The following STK38L variants were observed in gnomAD, a reference collection of about 807,000 sequenced individuals.
STK38L encodes serine/threonine kinase 38 like.
A neutral mutation model predicts 59.7 loss-of-function variants in STK38L; 28 were observed. The observed-to-expected ratio is 0.47, with a 90% CI of 0.35 to 0.64. STK38L has a LOEUF of 0.64. STK38L is among the 30% of genes least tolerant of loss of function. The pLI, the probability that STK38L is intolerant of heterozygous loss-of-function variation, is 0.01. For synonymous variants in STK38L, 162 were observed against 176.8 expected (o/e 0.92, Z 0.66); for missense variants, 314 against 555.8 (o/e 0.56, Z 4.37).
At chr12:27,321,678 T>C (rs1246924938) in intron 12 of STK38L, among the ~76,000 whole-genome samples, 1 of 152,210 alleles carries the variant, frequency 6.6e-6, no homozygotes, top group Non-Finnish European at 1.5e-5. Flanking sequence ...GTGGAGATGC[T>C]TAATGGATAC....
At chr12:27,316,414 A>G (rs888775405) in intron 9 of STK38L, among the ~76,000 whole-genome samples, 2 of 152,198 alleles carry the variant, frequency 1.3e-5, no homozygotes, top group Admixed American at 6.5e-5. Context: ...CCTATTTACA[A>G]AATATTCATG....
intron 1 of STK38L, among the ~76,000 whole-genome samples, chr12:27,292,788 A>G (rs982153647): frequency 6.6e-6 from 1 of 152,348 alleles, no homozygotes; most frequent in South Asian, 2.1e-4. Flanking sequence ...GTAATATTTC[A>G]TTACTTGACA....
chr12:27,252,124 T>C (rs1942987769), intron 1 of STK38L, among the ~76,000 whole-genome samples: 1 of 152,064 alleles, frequency 6.6e-6, no homozygotes, highest in Admixed American at 6.5e-5. Context: ...GGACTACAGG[T>C]GCCTGCCACC....
chr12:27,318,393 A>G (rs1334833766), intron 11 of STK38L, among the ~76,000 whole-genome samples: 1 of 152,230 alleles, frequency 6.6e-6, no homozygotes, highest in Non-Finnish European at 1.5e-5. Flanking sequence ...TCCTCAACTA[A>G]TATGAAGTGT....
intron 1 of STK38L, among the ~76,000 whole-genome samples, chr12:27,294,777 A>G (rs1422207864): frequency 1.3e-5 from 2 of 150,900 alleles, no homozygotes; most frequent in Admixed American, 6.6e-5. Flanking sequence ...CAGTGGTTCA[A>G]TCGCAGCTCA....
At chr12:27,322,284 A>G (rs1228960544) in intron 13 of STK38L, 44 bp from the exon 14 acceptor site, 2 of 1,613,242 alleles carry the variant, frequency 1.2e-6, no homozygotes, top group Admixed American at 3.3e-5. Context: ...TTTGAAGATG[A>G]TGGCATTTCA....
At chr12:27,305,148 C>T (rs1393555188) in intron 3 of STK38L, among the ~76,000 whole-genome samples, 3 of 152,178 alleles carry the variant, frequency 2.0e-5, no homozygotes, top group Non-Finnish European at 2.9e-5. Flanking sequence ...CCCTGTTTTT[C>T]CAGAGAAGCT....
chr12:27,306,438 T>A (rs1041646000), intron 3 of STK38L, among the ~76,000 whole-genome samples: 15 of 152,154 alleles, frequency 9.9e-5, no homozygotes, highest in African/African-American at 3.6e-4. Context: ...GTCTTAAAAT[T>A]TAAAATCAGA....
intron 1 of STK38L, among the ~76,000 whole-genome samples, chr12:27,254,358 C>G (rs1235176531): frequency 3.9e-5 from 6 of 152,204 alleles, no homozygotes; most frequent in Non-Finnish European, 8.8e-5. Flanking sequence ...AGTTTAATAA[C>G]TAACATGACC....
At chr12:27,263,277 G>A (rs1943240080) in intron 1 of STK38L, among the ~76,000 whole-genome samples, 1 of 152,192 alleles carries the variant, frequency 6.6e-6, no homozygotes. Flanking sequence ...ACAGTGGCAT[G>A]AAACCTCTTG....
chr12:27,322,211 C>A lies in STK38L; in HGVS notation c.1244C>A (p.Pro415His). ...GATACTTCAAATTTTGATGACTTCC[C>A]TGAATCTGATATTTTACAACCAGGT... is the stretch of plus-strand genomic sequence containing the variant. ...IDDTSNFDDF[P>H]ESDILQPVPN... The change falls in exon 13 of 14, where the codon CCT (proline) becomes CAT (histidine). Residue 415 changes from proline to histidine, a missense_variant. Around this residue, in one of 3 missense-constraint regions of STK38L, gnomAD observed 94 missense variants for 142.2 expected, o/e 0.66. Coordinates refer to ENST00000389032, the MANE Select transcript of STK38L (RefSeq NM_015000.4). 1 of 1,613,860 alleles carries A rather than the reference C, an allele frequency of 6.2e-7. No individual in the cohort carries two copies. The highest frequency in any genetic ancestry group is 8.5e-7 in the Non-Finnish European group (1 of 1,179,926).
At chr12:27,310,815 C>T (rs1304052997) in intron 5 of STK38L, among the ~76,000 whole-genome samples, 1 of 152,036 alleles carries the variant, frequency 6.6e-6, no homozygotes, top group Middle Eastern at 3.2e-3. Context: ...AGGTGGGGGG[C>T]GGAAATCTCT....
intron 5 of STK38L, among the ~76,000 whole-genome samples, chr12:27,311,611 T>C (rs1054127444): frequency 6.6e-6 from 1 of 152,204 alleles, no homozygotes; most frequent in African/African-American, 2.4e-5. Flanking sequence ...GTCTATAACA[T>C]TTTCACATGA....
intron 6 of STK38L, 52 bp downstream of exon 6, chr12:27,312,724 T>A: frequency 6.3e-7 from 1 of 1,588,336 alleles, no homozygotes; most frequent in Non-Finnish European, 8.6e-7. Context: ...CATCTTTATA[T>A]GCAACAATAA....
chr12:27,300,049 A>G (rs916435529), intron 2 of STK38L, among the ~76,000 whole-genome samples: 1 of 152,164 alleles, frequency 6.6e-6, no homozygotes, highest in African/African-American at 2.4e-5. Flanking sequence ...TCGAAGGTTC[A>G]TTGTCTTTAC....
At chr12:27,266,849 C>T (rs528530952) in intron 1 of STK38L, among the ~76,000 whole-genome samples, 4 of 152,286 alleles carry the variant, frequency 2.6e-5, no homozygotes, top group African/African-American at 9.6e-5. Flanking sequence ...ATTCCGGAGT[C>T]AAGAGCTTGA....
intron 1 of STK38L, among the ~76,000 whole-genome samples, chr12:27,260,135 CTTCT>C (rs961471709): frequency 6.6e-6 from 1 of 152,130 alleles, no homozygotes; most frequent in Non-Finnish European, 1.5e-5. Context: ...ACTCATTCTC[CTTCT>C]TTGTCTCTTT....
At chr12:27,313,347 G>A (rs1944504823) in intron 6 of STK38L, among the ~76,000 whole-genome samples, 1 of 152,018 alleles carries the variant, frequency 6.6e-6, no homozygotes. Flanking sequence ...GAATGGCAAT[G>A]GAGGGCAAAG....
At chr12:27,280,368 G>A (rs1044539959) in intron 1 of STK38L, among the ~76,000 whole-genome samples, 4 of 152,096 alleles carry the variant, frequency 2.6e-5, no homozygotes, top group Non-Finnish European at 5.9e-5. Flanking sequence ...CCACAGTGAT[G>A]TTTTTCATTT....
Sources: gnomAD v4.1 joint callset for allele counts (sites outside exome capture counted in the v4.1 genomes callset) on GRCh38, gnomAD v4.1.1 for gene constraint, gnomAD v4.1.1 regional missense constraint, MANE v1.5 for transcripts, NCBI Gene and HGNC (gene_info 2026-07-23, HGNC 2026-07-21) for gene names.